Variants in SEPSECS observed in about 807,000 individuals in gnomAD.
SEPSECS encodes Sep (O-phosphoserine) tRNA:Sec (selenocysteine) tRNA synthase, also known as O-phosphoseryl-tRNA(Sec) selenium transferase.
SEPSECS carries 42 observed loss-of-function variants against 52.1 expected under a neutral mutation model. That is an observed-to-expected ratio of 0.81 (90% confidence interval 0.63 to 1.04). The LOEUF (loss-of-function observed/expected upper bound fraction) is 1.04, where lower values mean the gene tolerates loss of function less well. Among genes scored for constraint, SEPSECS ranks in the 50% least tolerant of loss-of-function variants. SEPSECS has a pLI of 0.00. For missense variants in SEPSECS, 590 were observed against 610.6 expected, an observed-to-expected ratio of 0.97 and a Z score of 0.36; for synonymous variants, 216 against 211.4, an observed-to-expected ratio of 1.02 and a Z score of -0.19.
At chr4:25,155,419 C>G (rs1712564195) in intron 4 of SEPSECS, among the ~76,000 whole-genome samples, 1 of 152,076 alleles carries the variant, frequency 6.6e-6, no homozygotes, top group African/African-American at 2.4e-5. Flanking sequence ...GTAAGGAAAA[C>G]AAATGTTAAA....
At position 25,124,069 on chromosome 4, in the gene SEPSECS, C is replaced by T. The variant is rs200636307; in HGVS notation, c.1368G>A (p.Arg456=). 16 of 1,613,706 alleles carry T rather than the reference C, an allele frequency of 9.9e-6. No individual in the cohort carries two copies. Among genetic ancestry groups the T allele is most frequent in the South Asian group, 2.2e-5 (2 of 91,078 alleles). The change falls in exon 11 of 11, where the codon AGG becomes AGA. Residue 456 remains arginine, a synonymous_variant. Coordinates refer to ENST00000382103, the MANE Select transcript of SEPSECS (RefSeq NM_016955.4). ...GTTCTTTTCTTACTGCCTTTAAACA[C>T]CTGTCAAGTCTCTTTATGAACAGGT... is the stretch of plus-strand genomic sequence containing the variant. The part of the protein sequence containing the change: ...DVDLFIKRLD[R]CLKAVRKERS...
At chr4:25,147,713 T>G (rs1712045690) in intron 6 of SEPSECS, among the ~76,000 whole-genome samples, 1 of 152,170 alleles carries the variant, frequency 6.6e-6, no homozygotes, top group Non-Finnish European at 1.5e-5. Context: ...TACAGAATAC[T>G]CTATATGCTC....
intron 1 of SEPSECS, chr4:25,159,768 T>C: frequency 9.3e-7 from 1 of 1,077,880 alleles, no homozygotes; most frequent in South Asian, 2.0e-5. Flanking sequence ...CGAGACTCTG[T>C]TTCAAAAAAA....
At chr4:25,145,605 A>G (rs1711913156) in intron 6 of SEPSECS, among the ~76,000 whole-genome samples, 1 of 152,222 alleles carries the variant, frequency 6.6e-6, no homozygotes, top group Non-Finnish European at 1.5e-5. Context: ...AAAATTTGAT[A>G]AGAAAGAATG....
rs890692455 is a variant in SEPSECS, at chr4:25,137,765, T to C, written c.1026+7009A>G. ...ATTCTATTATAAAGATACATGCACA[T>C]GTATGTTCAATGCAGCACTATTCAC... On this transcript the variant is annotated intron_variant, in intron 8 of 10. Coordinates refer to ENST00000382103, the MANE Select transcript of SEPSECS (RefSeq NM_016955.4). Among the ~76,000 whole-genome samples the C allele has an allele frequency of 6.6e-5, 10 of 152,256 alleles. No individual in the cohort carries two copies. The South Asian group carries it at 2.1e-3, about 32-fold the overall frequency.
intron 6 of SEPSECS, among the ~76,000 whole-genome samples, chr4:25,145,686 T>C (rs1036223704): frequency 2.6e-5 from 4 of 152,178 alleles, no homozygotes; most frequent in African/African-American, 4.8e-5. Context: ...CCTATAACTA[T>C]TAAGTGGTTT....
intron 8 of SEPSECS, among the ~76,000 whole-genome samples, chr4:25,143,511 G>A (rs1205553335): frequency 6.6e-6 from 1 of 151,862 alleles, no homozygotes; most frequent in East Asian, 1.9e-4. Context: ...TGCATATTTC[G>A]GTACATTAGC....
intron 8 of SEPSECS, among the ~76,000 whole-genome samples, chr4:25,136,569 A>T (rs543240864): frequency 6.6e-6 from 1 of 152,186 alleles, no homozygotes; most frequent in Non-Finnish European, 1.5e-5. Context: ...TAGAGAGGAC[A>T]CAAACAAATG....
chr4:25,148,020 T>C (rs906197097), intron 6 of SEPSECS, among the ~76,000 whole-genome samples: 8 of 152,104 alleles, frequency 5.3e-5, no homozygotes, highest in Non-Finnish European at 1.0e-4. Flanking sequence ...GAATAAGAAG[T>C]ACACCTTAAA....
chr4:25,154,849 T>A, intron 5 of SEPSECS, 149 bp downstream of exon 5: 1 of 856,286 alleles, frequency 1.2e-6, no homozygotes, highest in Non-Finnish European at 1.8e-6. Flanking sequence ...AAGCTGTTAA[T>A]GCTATTTCTC....
At chr4:25,128,279 C>A (rs1219474828) in intron 8 of SEPSECS, among the ~76,000 whole-genome samples, 1 of 152,088 alleles carries the variant, frequency 6.6e-6, no homozygotes, top group Non-Finnish European at 1.5e-5. Flanking sequence ...CTTTAGTATG[C>A]AAGTTATTTA....
At chr4:25,139,170 A>G (rs1229107272) in intron 8 of SEPSECS, among the ~76,000 whole-genome samples, 1 of 152,140 alleles carries the variant, frequency 6.6e-6, no homozygotes. Flanking sequence ...ATTTGTAACT[A>G]TTTAATATCT....
chr4:25,129,361 G>A (rs1414086612), intron 8 of SEPSECS, among the ~76,000 whole-genome samples: 1 of 151,918 alleles, frequency 6.6e-6, no homozygotes, highest in African/African-American at 2.4e-5. Flanking sequence ...GGTGGCTCAC[G>A]CCTGTAATCC....
intron 6 of SEPSECS, among the ~76,000 whole-genome samples, chr4:25,145,938 T>C (rs1319695011): frequency 6.6e-6 from 1 of 152,228 alleles, no homozygotes; most frequent in Non-Finnish European, 1.5e-5. Flanking sequence ...ACATAACTCA[T>C]GCTCCCTAAT....
chr4:25,124,814 T>C (rs1280404898), intron 10 of SEPSECS, among the ~76,000 whole-genome samples: 5 of 152,032 alleles, frequency 3.3e-5, no homozygotes, highest in Non-Finnish European at 7.4e-5. Flanking sequence ...AACAGTAATA[T>C]TTAGCAAAGG....
At chr4:25,140,633 A>G (rs1452463561) in intron 8 of SEPSECS, among the ~76,000 whole-genome samples, 1 of 152,234 alleles carries the variant, frequency 6.6e-6, no homozygotes, top group East Asian at 1.9e-4. Flanking sequence ...TGCCTTCCAC[A>G]TAGTAAGTGC....
intron 8 of SEPSECS, among the ~76,000 whole-genome samples, chr4:25,134,151 A>AAAAG (rs1728730605): frequency 6.8e-6 from 1 of 147,638 alleles, no homozygotes; most frequent in East Asian, 2.0e-4. Context: ...AAAAAAAAAA[A>AAAAG]GTGCATAGAA....
intron 8 of SEPSECS, among the ~76,000 whole-genome samples, chr4:25,139,839 A>G (rs1209155442): frequency 6.6e-6 from 1 of 152,184 alleles, no homozygotes; most frequent in Admixed American, 6.5e-5. Context: ...GAAGGACTTA[A>G]TGATATAAGG....
At chr4:25,143,221 T>C (rs139455949) in intron 8 of SEPSECS, among the ~76,000 whole-genome samples, 5 of 152,326 alleles carry the variant, frequency 3.3e-5, no homozygotes, top group South Asian at 2.1e-4. Context: ...TTTGCTCACA[T>C]AGTAAAATTC....
Sources: allele counts gnomAD v4.1 joint callset (sites outside exome capture counted in the v4.1 genomes callset), GRCh38; gene constraint gnomAD v4.1.1; transcripts MANE v1.5; gene names NCBI Gene and HGNC (gene_info 2026-07-23, HGNC 2026-07-21).